Variants in RPS21 observed in about 807,000 individuals in gnomAD.
RPS21 encodes the protein small ribosomal subunit protein eS21.
In RPS21, 6 loss-of-function variants were observed where a neutral mutation model predicts 14.5. That is an observed-to-expected ratio of 0.41 (90% CI 0.23 to 0.82). The LOEUF (loss-of-function observed/expected upper bound fraction) is 0.82, where lower values mean the gene tolerates loss of function less well. Ranked by LOEUF, RPS21 falls within the 40% of genes least tolerant of loss-of-function variation. The pLI is 0.31. For missense variants in RPS21, 85 were observed against 115.0 expected, an observed-to-expected ratio of 0.74 and a Z score of 1.19; for synonymous variants, 61 against 42.6, an observed-to-expected ratio of 1.43 and a Z score of -1.69.
chr20:62,387,317 C>T lies in RPS21; in HGVS notation c.-18-4C>T, dbSNP rs1416976622. On this transcript the variant is annotated splice_region_variant and splice_polypyrimidine_tract_variant and intron_variant, in intron 1 of 5. Transcript: ENST00000343986. ...ACTCACGGCGCCGCGCGGTGACTCC[C>T]CAGGCGCAGCCCAGCCTCGAAATGC... 1.3e-6 allele frequency: 2 copies of T among 1,585,680 alleles called. No individual in the cohort carries two copies. The highest frequency in any genetic ancestry group is 8.6e-7 in the Non-Finnish European group (1 of 1,167,280).
In RPS21 at chr20:62,387,621, A is replaced by G. The variant is rs775104971; in HGVS notation, c.61A>G (p.Asn21Asp). 1.2e-6 allele frequency: 2 copies of G among 1,612,936 alleles called. No individual in the cohort carries two copies. The highest frequency in any genetic ancestry group is 2.7e-5 in the African/African-American group (2 of 75,030). Residue 21 changes from asparagine (N) to aspartate (D), a missense_variant, in exon 3 of 6, where the codon AAT becomes GAT. Coordinates refer to ENST00000343986, the MANE Select transcript of RPS21 (RefSeq NM_001024.4). ...GCCCTTTCTCCACAGCTCCGCTAGCAATCGCATCATCGGTGCCAAGGACCA... is the reference window on the plus strand; with the variant it reads ...GCCCTTTCTCCACAGCTCCGCTAGCGATCGCATCATCGGTGCCAAGGACCA... ...LYVPRKCSAS[N>D]RIIGAKDHAS...
At position 62,388,465 on chromosome 20, in the gene RPS21, G is replaced by A. The variant is rs745927353; in HGVS notation, c.251G>A (p.Ter84=). Residue 84 remains the stop codon, a stop_retained_variant, in exon 6 of 6, where the codon TGA becomes TAA. Coordinates refer to ENST00000343986, the MANE Select transcript of RPS21 (RefSeq NM_001024.4). ...KADGIVSKNF[*] is the part of the protein sequence containing the mutation. ...TTTTCCCCTGGTTCTAGGAACTTTTGACTGGAGAGAATCACAGATGTGGAA... is the reference window on the plus strand; with the variant it reads ...TTTTCCCCTGGTTCTAGGAACTTTTAACTGGAGAGAATCACAGATGTGGAA... 1 of 1,613,666 alleles carries A rather than the reference G, an allele frequency of 6.2e-7. No individual in the cohort carries two copies. Among genetic ancestry groups the A allele is most frequent in the South Asian group, 1.1e-5 (1 of 91,062 alleles).
intron 5 of RPS21, 22 bp downstream of exon 5, chr20:62,388,386 T>C (rs1362447298): frequency 6.2e-7 from 1 of 1,609,706 alleles, no homozygotes; most frequent in African/African-American, 1.3e-5. Flanking sequence ...GGCTCACATT[T>C]GGGCAGAGTG....
intron 4 of RPS21, 148 bp downstream of exon 4, chr20:62,388,062 G>A: frequency 6.4e-7 from 1 of 1,562,500 alleles, no homozygotes; most frequent in Non-Finnish European, 8.7e-7. Context: ...GCTTCTTGAG[G>A]GTGGAAGAGG....
chr20:62,387,811 G>C (rs1987792837), intron 3 of RPS21, 32 bp from the exon 4 acceptor site: 3 of 1,613,782 alleles, frequency 1.9e-6, no homozygotes, highest in African/African-American at 1.3e-5. Context: ...CAAACCTGGG[G>C]GAGTGGTTTG....
intron 3 of RPS21, 80 bp from the exon 4 acceptor site, chr20:62,387,763 G>C: frequency 2.5e-6 from 4 of 1,614,002 alleles, no homozygotes; most frequent in South Asian, 1.1e-5. Flanking sequence ...CTGGGGTGAA[G>C]GTACAGGCAG....
intron 3 of RPS21, 30 bp downstream of exon 3, chr20:62,387,704 T>C (rs534395595): frequency 6.2e-7 from 1 of 1,613,558 alleles, no homozygotes; most frequent in East Asian, 2.2e-5. Context: ...GGCGGGAAGG[T>C]TGTGATATAT....
intron 4 of RPS21, 130 bp downstream of exon 4, chr20:62,388,044 C>T (rs764631644): frequency 3.8e-6 from 6 of 1,570,842 alleles, no homozygotes; most frequent in South Asian, 1.1e-5. Flanking sequence ...CTGGGCTGGC[C>T]GCCTGCCGCT....
chr20:62,388,488 G>C lies in RPS21; in HGVS notation c.*22G>C. 6.2e-7 allele frequency: 1 copy of C among 1,611,388 alleles called. No homozygotes were observed. The highest frequency in any genetic ancestry group is 8.5e-7 in the Non-Finnish European group (1 of 1,177,546). ...TTGACTGGAGAGAATCACAGATGTG[G>C]AATATTTGTCATAAATAAATAATGA... On this transcript the variant is annotated 3_prime_UTR_variant, in exon 6 of 6. Transcript: ENST00000343986.
At chr20:62,387,482 T>G in intron 2 of RPS21, 94 bp downstream of exon 2, 1 of 1,586,694 alleles carries the variant, frequency 6.3e-7, no homozygotes, top group East Asian at 2.2e-5. Context: ...CGTCCTTACC[T>G]CGTCACGTCC....
intron 3 of RPS21, 68 bp from the exon 4 acceptor site, chr20:62,387,775 G>A (rs758775670): frequency 1.2e-6 from 2 of 1,613,904 alleles, no homozygotes; most frequent in Admixed American, 3.3e-5. Context: ...TACAGGCAGA[G>A]GCTGGCTTTG....
At chr20:62,387,958 G>A in intron 4 of RPS21, 44 bp downstream of exon 4, 1 of 1,614,220 alleles carries the variant, frequency 6.2e-7, no homozygotes, top group South Asian at 1.1e-5. Context: ...GGGACATCGT[G>A]GACTTTACCG....
In RPS21 at chr20:62,388,363, A is replaced by G. The variant is rs1490994956; in HGVS notation, c.241A>G (p.Lys81Glu). 3 of 1,606,292 alleles carry G rather than the reference A, an allele frequency of 1.9e-6. No homozygotes were observed. Among genetic ancestry groups the G allele is most frequent in the Admixed American group, 1.7e-5 (1 of 57,368 alleles). ...RLAKADGIVS[K>E]NF ...GGCCAAGGCCGATGGCATCGTCTCA[A>G]AGTAAGGTTGGGGGCTCACATTTGG... Residue 81 changes from lysine to glutamate, a missense_variant and splice_region_variant, in exon 5 of 6, where the codon AAG becomes GAG. Transcript: ENST00000343986.
At chr20:62,388,113 C>T in intron 4 of RPS21, 196 bp from the exon 5 acceptor site, 1 of 1,509,438 alleles carries the variant, frequency 6.6e-7, no homozygotes, top group South Asian at 1.2e-5. Flanking sequence ...CTCTGCCTCT[C>T]ACTAGGAGGT....
Position 62,387,620 on chromosome 20 carries a change from C to G in RPS21, c.60C>G (p.Ser20Arg). The G allele has an allele frequency of 6.2e-7, 1 of 1,612,764 alleles. No homozygotes were observed. The highest frequency in any genetic ancestry group is 2.2e-5 in the East Asian group (1 of 44,856). The change falls in exon 3 of 6, where the codon AGC becomes AGG. Residue 20 changes from serine to arginine, a missense_variant. Ser to Arg is a moderately radical substitution (Grantham distance 110). Coordinates refer to ENST00000343986, the MANE Select transcript of RPS21 (RefSeq NM_001024.4). ...DLYVPRKCSA[S>R]NRIIGAKDHA... is the part of the protein sequence containing the mutation. ...CGCCCTTTCTCCACAGCTCCGCTAG[C>G]AATCGCATCATCGGTGCCAAGGACC...
chr20:62,387,444 G>C, intron 2 of RPS21, 56 bp downstream of exon 2: 1 of 1,600,586 alleles, frequency 6.2e-7, no homozygotes, highest in East Asian at 2.2e-5. Flanking sequence ...ACGTCCCCTC[G>C]CCTGCCCTTG....
Position 62,387,929 on chromosome 20 carries a change from G to C in RPS21, c.186+15G>C. Reference sequence around the variant, plus strand: ...TTCGTAGGATGGTGAGTGTTTCCCTGGGCTTTGCTCATCACTTCGGGACAT... The same window carrying C: ...TTCGTAGGATGGTGAGTGTTTCCCTCGGCTTTGCTCATCACTTCGGGACAT... On this transcript the variant is annotated intron_variant, in intron 4 of 5. Transcript: ENST00000343986. 1 of 1,614,236 alleles carries C rather than the reference G, an allele frequency of 6.2e-7. No homozygotes were observed. The highest frequency in any genetic ancestry group is 1.1e-5 in the South Asian group (1 of 91,084).
intron 4 of RPS21, 174 bp downstream of exon 4, chr20:62,388,088 C>T (rs1215118052): frequency 6.5e-7 from 1 of 1,538,798 alleles, no homozygotes; most frequent in Non-Finnish European, 8.8e-7. Flanking sequence ...TCTGAGAAGA[C>T]ACTCAGGCAG....
intron 2 of RPS21, 45 bp downstream of exon 2, chr20:62,387,433 C>T: frequency 6.2e-7 from 1 of 1,604,588 alleles, no homozygotes; most frequent in Non-Finnish European, 8.5e-7. Context: ...ACCTAACCAC[C>T]ACGTCCCCTC....
Sources: allele counts gnomAD v4.1 joint callset, GRCh38; gene constraint gnomAD v4.1.1; transcripts MANE v1.5; gene names NCBI Gene and HGNC (gene_info 2026-07-23, HGNC 2026-07-21).